PCSK5: variants seen among roughly 807,000 people sequenced by gnomAD.
PCSK5 encodes the protein proprotein convertase subtilisin/kexin type 5.
A neutral mutation model predicts 233.2 loss-of-function variants in PCSK5; 129 were observed. That is an observed-to-expected ratio of 0.55 (90% CI 0.48 to 0.64). PCSK5 has a LOEUF of 0.64. PCSK5 is among the 30% of genes least tolerant of loss of function. PCSK5 has a pLI of 0.00. For synonymous variants in PCSK5, 825 were observed against 879.2 expected (o/e 0.94, Z 1.09); for missense variants, 2,076 against 2,430.1 (o/e 0.85, Z 3.06).
chr9:76,076,978 TTAAAA>T (rs1377470642), intron 7 of PCSK5, among the ~76,000 whole-genome samples: 3 of 152,210 alleles, frequency 2.0e-5, no homozygotes, highest in East Asian at 1.9e-4. Flanking sequence ...CTTCTGGGAC[TTAAAA>T]TAAATAACAT....
At chr9:76,247,376 G>A (rs769372508) in intron 24 of PCSK5, among the ~76,000 whole-genome samples, 14 of 152,224 alleles carry the variant, frequency 9.2e-5, no homozygotes, top group Non-Finnish European at 1.8e-4. Flanking sequence ...TGTAGCCGTT[G>A]CTGGCTGGAA....
intron 9 of PCSK5, among the ~76,000 whole-genome samples, chr9:76,116,386 G>C (rs927036670): frequency 1.3e-5 from 2 of 152,048 alleles, no homozygotes; most frequent in Middle Eastern, 3.2e-3. Context: ...AGCACCATAT[G>C]TGTGACTAAG....
intron 1 of PCSK5, among the ~76,000 whole-genome samples, chr9:75,907,755 C>G (rs1387680849): frequency 6.6e-6 from 1 of 152,178 alleles, no homozygotes; most frequent in Non-Finnish European, 1.5e-5. Context: ...GTGGGAAGAA[C>G]AGCACAGAGT....
At position 76,185,748 on chromosome 9, in the gene PCSK5, C is replaced by T. The variant is rs145644839; in HGVS notation, c.2282+991C>T. The stretch of plus-strand genomic sequence containing the variant: ...GAAAGTAGATGTGGGCTCACATCCT[C>T]CTCTGCTATTTATTAACTGTGTGAT... On this transcript the variant is annotated intron_variant, in intron 17 of 37. Coordinates refer to ENST00000674117, the MANE Select transcript of PCSK5 (RefSeq NM_001372043.1). 9.9e-5 allele frequency among the ~76,000 whole-genome samples: 15 copies of T among 152,224 alleles called. No homozygotes were observed. The East Asian group carries it at 2.9e-3, about 29-fold the overall frequency.
intron 9 of PCSK5, among the ~76,000 whole-genome samples, chr9:76,118,941 T>C (rs1832532557): frequency 6.6e-6 from 1 of 152,100 alleles, no homozygotes; most frequent in Non-Finnish European, 1.5e-5. Context: ...TTTCAGATCA[T>C]GTTGTTCATT....
chr9:76,134,293 C>T (rs1326367181), intron 10 of PCSK5, 81 bp downstream of exon 10: 2 of 788,788 alleles, frequency 2.5e-6, no homozygotes, highest in Admixed American at 3.0e-5. Context: ...GGAAACAGAA[C>T]CCCTCAAACG....
chr9:76,313,024 C>T (rs373305241), intron 30 of PCSK5, among the ~76,000 whole-genome samples: 19 of 152,030 alleles, frequency 1.2e-4, no homozygotes, highest in Admixed American at 5.9e-4. Context: ...ATGCTTGCAA[C>T]GTCCAGGTAT....
intron 27 of PCSK5, among the ~76,000 whole-genome samples, chr9:76,298,894 G>T (rs142523786): frequency 6.6e-6 from 1 of 152,290 alleles, no homozygotes; most frequent in East Asian, 1.9e-4. Flanking sequence ...TCAGATTCAG[G>T]TAGGAAAGGT....
intron 9 of PCSK5, 115 bp downstream of exon 9, chr9:76,107,466 A>G (rs758219054): frequency 3.6e-4 from 196 of 543,724 alleles, no homozygotes; most frequent in African/African-American, 1.5e-3. Flanking sequence ...AATCTTCCCA[A>G]TCCCACCTTT....
chr9:76,362,255 C>T lies in PCSK5; in HGVS notation c.*3333C>T, dbSNP rs550004732. 6.6e-6 allele frequency: 1 copy of T among 152,268 alleles called. No homozygotes were observed. The highest frequency in any genetic ancestry group is 2.1e-4 in the South Asian group (1 of 4,822). The allele number at this position is 152,268 out of a possible 1,614,324, so 9.4% of individuals were successfully genotyped here. A position where few individuals can be genotyped will look rare whatever the true frequency, so the allele number is the denominator to read the frequency against. On this transcript the variant is annotated 3_prime_UTR_variant, in exon 38 of 38. Transcript: ENST00000674117. The stretch of plus-strand genomic sequence containing the variant: ...TAAGAGAATCCTTGTAGACTGGAAA[C>T]ACACCAAAAGGCTGGGTAAAGCATG...
At chr9:76,105,947 A>C (rs370864085) in intron 8 of PCSK5, among the ~76,000 whole-genome samples, 105 of 152,378 alleles carry the variant, frequency 6.9e-4, no homozygotes, top group South Asian at 4.1e-3. Flanking sequence ...CTACTTAGAC[A>C]TATTCATGTG....
chr9:76,175,285 TCG>T lies in PCSK5; in HGVS notation c.1900+157_1900+158del, dbSNP rs1491292979. On this transcript the variant is annotated intron_variant, in intron 14 of 37. Transcript: ENST00000674117. ...TGGAATGGAATGGAATCGAATCGAA[TCG>T]AATCGAATAGAATAGAATAGAATAG... 4,872 of 619,218 alleles carry T rather than the reference TCG, an allele frequency of 7.9e-3. 207 individuals are homozygous for T. The East Asian group carries it at 0.1, about 13-fold the overall frequency. The allele number at this position is 619,218 out of a possible 1,614,324, so 38.4% of individuals were successfully genotyped here. A position where few individuals can be genotyped will look rare whatever the true frequency, so the allele number is the denominator to read the frequency against.
intron 1 of PCSK5, among the ~76,000 whole-genome samples, chr9:75,919,468 A>G (rs1823148276): frequency 6.6e-6 from 1 of 152,190 alleles, no homozygotes; most frequent in South Asian, 2.1e-4. Flanking sequence ...TGAGGAATAT[A>G]CTTAGGAGTA....
chr9:76,314,487 T>G (rs1448283160), intron 30 of PCSK5, among the ~76,000 whole-genome samples: 2 of 152,194 alleles, frequency 1.3e-5, no homozygotes, highest in Non-Finnish European at 2.9e-5. Flanking sequence ...GAAATCACCC[T>G]TTTGGGTGTG....
At chr9:76,281,403 C>T (rs1174096078) in intron 24 of PCSK5, among the ~76,000 whole-genome samples, 3 of 152,224 alleles carry the variant, frequency 2.0e-5, no homozygotes, top group African/African-American at 4.8e-5. Flanking sequence ...ATCCATTCTG[C>T]CTGTGGTCCA....
intron 8 of PCSK5, among the ~76,000 whole-genome samples, chr9:76,098,631 G>T (rs1831633138): frequency 6.6e-6 from 1 of 152,152 alleles, no homozygotes; most frequent in Non-Finnish European, 1.5e-5. Context: ...AAGTAATTAT[G>T]CCCATTTAGT....
At chr9:76,043,720 G>A (rs962018584) in intron 5 of PCSK5, among the ~76,000 whole-genome samples, 4 of 152,040 alleles carry the variant, frequency 2.6e-5, no homozygotes, top group African/African-American at 9.7e-5. Context: ...TTTTGAGTCC[G>A]AGTTACGAGA....
chr9:75,940,667 C>T (rs1323183002), intron 2 of PCSK5, among the ~76,000 whole-genome samples: 1 of 152,214 alleles, frequency 6.6e-6, no homozygotes, highest in East Asian at 1.9e-4. Context: ...AATGGAGTAA[C>T]TGGAGTACAG....
intron 24 of PCSK5, among the ~76,000 whole-genome samples, chr9:76,267,950 TAC>T (rs10539241): frequency 0.08 from 12,005 of 149,300 alleles, 485 homozygotes; most frequent in East Asian, 0.11. Context: ...CTTATGGGTA[TAC>T]ACACACACAC....
Sources: gnomAD v4.1 joint callset for allele counts (sites outside exome capture counted in the v4.1 genomes callset) on GRCh38, gnomAD v4.1.1 for gene constraint, MANE v1.5 for transcripts, NCBI Gene and HGNC (gene_info 2026-07-23, HGNC 2026-07-21) for gene names.